Variants in FBP2 observed in about 807,000 individuals in gnomAD.
The protein encoded by FBP2 is fructose-bisphosphatase 2.
In FBP2, 27 loss-of-function variants were observed where a neutral mutation model predicts 31.6. That is an observed-to-expected ratio of 0.85 (90% CI 0.63 to 1.18). FBP2 has a LOEUF of 1.18. Among genes scored for constraint, FBP2 ranks in the 50% most tolerant of loss-of-function variants. FBP2 has a pLI of 0.00. For synonymous variants in FBP2, 168 were observed against 179.8 expected (o/e 0.93, Z 0.53); for missense variants, 421 against 436.1 (o/e 0.97, Z 0.31).
At chr9:94,576,578 GC>G (rs2131453668) in intron 3 of FBP2, 1 of 152,392 alleles carries the variant, frequency 6.6e-6, no homozygotes, top group East Asian at 1.9e-4. Context: ...TCCTGCAGCT[GC>G]CTAGATGCTT....
intron 2 of FBP2, among the ~76,000 whole-genome samples, chr9:94,586,401 G>GTAAA (rs1253517328): frequency 4.5e-4 from 68 of 152,116 alleles, no homozygotes; most frequent in Non-Finnish European, 5.7e-4. Flanking sequence ...AAATAAATAA[G>GTAAA]TAAATAAATA....
At chr9:94,584,537 C>T in intron 3 of FBP2, 40 bp downstream of exon 3, 1 of 1,282,678 alleles carries the variant, frequency 7.8e-7, no homozygotes, top group Non-Finnish European at 1.1e-6. Flanking sequence ...CCAGAGACCA[C>T]CACAGGAAGG....
chr9:94,567,167 A>G, intron 5 of FBP2, 103 bp downstream of exon 5: 1 of 1,168,154 alleles, frequency 8.6e-7, no homozygotes, highest in Middle Eastern at 2.9e-4. Context: ...AGCCATAAAC[A>G]GTGGCACCAA....
chr9:94,571,207 T>C (rs906557952), intron 4 of FBP2, among the ~76,000 whole-genome samples: 3 of 152,088 alleles, frequency 2.0e-5, no homozygotes, highest in Admixed American at 2.0e-4. Context: ...TTTTGGAAAA[T>C]GAGCTCCTTA....
intron 1 of FBP2, among the ~76,000 whole-genome samples, chr9:94,590,310 C>T (rs1564188214): frequency 6.6e-6 from 1 of 152,140 alleles, no homozygotes; most frequent in Non-Finnish European, 1.5e-5. Flanking sequence ...AGGCTCCAGG[C>T]GGGCACTCCA....
At chr9:94,580,178 G>T (rs1325938927) in intron 3 of FBP2, among the ~76,000 whole-genome samples, 1 of 152,184 alleles carries the variant, frequency 6.6e-6, no homozygotes, top group Non-Finnish European at 1.5e-5. Context: ...TAGAAAAGTT[G>T]AGATCTAAAA....
chr9:94,566,694 C>T (rs938400140), intron 5 of FBP2, among the ~76,000 whole-genome samples: 1 of 152,096 alleles, frequency 6.6e-6, no homozygotes, highest in Non-Finnish European at 1.5e-5. Context: ...TGGCAGGGCA[C>T]CCATTTTTCT....
chr9:94,565,782 A>C (rs1466239926), intron 5 of FBP2, among the ~76,000 whole-genome samples: 1 of 132,364 alleles, frequency 7.6e-6, no homozygotes. Context: ...ATAGATAGAT[A>C]GATAGATGAT....
At chr9:94,581,804 C>G (rs936723146) in intron 3 of FBP2, among the ~76,000 whole-genome samples, 1 of 152,238 alleles carries the variant, frequency 6.6e-6, no homozygotes, top group African/African-American at 2.4e-5. Flanking sequence ...CGGGATCAGA[C>G]AGGCCTCCCT....
intron 1 of FBP2, among the ~76,000 whole-genome samples, chr9:94,587,979 G>A (rs1827447568): frequency 6.6e-6 from 1 of 152,130 alleles, no homozygotes; most frequent in South Asian, 2.1e-4. Context: ...CTCCGGAGTA[G>A]CTGGGACTAC....
intron 6 of FBP2, among the ~76,000 whole-genome samples, chr9:94,560,691 C>A (rs1003898571): frequency 2.7e-5 from 4 of 146,962 alleles, no homozygotes; most frequent in South Asian, 2.1e-4. Context: ...TTCTATTTTT[C>A]TATTATATAT....
At chr9:94,582,855 T>C (rs897455425) in intron 3 of FBP2, among the ~76,000 whole-genome samples, 9 of 145,026 alleles carry the variant, frequency 6.2e-5, no homozygotes, top group Admixed American at 3.4e-4. Context: ...GCCCCCTTTT[T>C]TTTTTTTTTT....
At chr9:94,579,049 T>TAAAAAAAAAAAAAAAAA (rs1827346202) in intron 3 of FBP2, among the ~76,000 whole-genome samples, 1 of 2,296 alleles carries the variant, frequency 4.4e-4, no homozygotes. Flanking sequence ...AGAGACTCTG[T>TAAAAAAAAAAAAAAAAA]CAAAAAAAAA....
intron 3 of FBP2, chr9:94,576,682 A>G (rs1827318772): frequency 6.6e-6 from 1 of 151,930 alleles, no homozygotes; most frequent in African/African-American, 2.4e-5. Context: ...TAGAGAAGTG[A>G]CAAACTTTGG....
intron 6 of FBP2, among the ~76,000 whole-genome samples, chr9:94,561,928 C>T (rs1048055561): frequency 5.3e-5 from 8 of 152,186 alleles, no homozygotes; most frequent in African/African-American, 1.9e-4. Flanking sequence ...TATTTTCTGA[C>T]TCATTTACGA....
chr9:94,593,623 A>C lies in FBP2; in HGVS notation c.104T>G (p.Leu35Arg). 6.2e-7 allele frequency: 1 copy of C among 1,614,206 alleles called. No homozygotes were observed. Among genetic ancestry groups the C allele is most frequent in the South Asian group, 1.1e-5 (1 of 91,086 alleles). ...AKGTGELTQL[L>R]NSMLTAIKAI... ...TTTGATGGCCGTCAGCATTGAGTTC[A>C]GCAGCTGGGTGAGCTCCCCAGTCCC... The change falls in exon 1 of 7, where the codon CTG (leucine) becomes CGG (arginine). Residue 35 changes from leucine (L) to arginine (R), a missense_variant. Leu to Arg is a moderately radical substitution (Grantham distance 102). Transcript: ENST00000375337.
Position 94,587,444 on chromosome 9 carries a change from C to T in FBP2, c.196G>A (p.Val66Met), listed in dbSNP as rs777645239. Residue 66 changes from valine to methionine, a missense_variant, in exon 2 of 7, where the codon GTG becomes ATG. Coordinates refer to ENST00000375337, the MANE Select transcript of FBP2 (RefSeq NM_003837.4). ...AGTTTCTTCACCTCATCTCCCGTCA[C>T]GTTAACGCTTCCTGCGATTCCATAC... ...HLYGIAGSVN[V>M]TGDEVKKLDV... 1.9e-6 allele frequency: 3 copies of T among 1,614,050 alleles called. No individual in the cohort carries two copies. The highest frequency in any genetic ancestry group is 1.3e-5 in the African/African-American group (1 of 75,012).
At chr9:94,563,269 C>A in intron 6 of FBP2, 73 bp downstream of exon 6, 2 of 1,544,834 alleles carry the variant, frequency 1.3e-6, no homozygotes, top group Non-Finnish European at 1.8e-6. Context: ...AGTAGCCAAA[C>A]AGCAGGTGTG....
intron 3 of FBP2, among the ~76,000 whole-genome samples, chr9:94,573,758 T>C (rs1827291545): frequency 1.3e-5 from 2 of 152,242 alleles, no homozygotes; most frequent in Non-Finnish European, 2.9e-5. Context: ...TTGCATTTAT[T>C]GATAAGGAAT....
Sources: gnomAD v4.1 joint callset for allele counts (sites outside exome capture counted in the v4.1 genomes callset) on GRCh38, gnomAD v4.1.1 for gene constraint, MANE v1.5 for transcripts, NCBI Gene and HGNC (gene_info 2026-07-23, HGNC 2026-07-21) for gene names.